The following CTNND2 variants were observed in gnomAD, a reference collection of about 807,000 sequenced individuals.
CTNND2 encodes catenin delta-2.
A neutral mutation model predicts 144.4 loss-of-function variants in CTNND2; 22 were observed. That is an observed-to-expected ratio of 0.15 (90% confidence interval 0.11 to 0.22). The LOEUF (loss-of-function observed/expected upper bound fraction) is 0.22. Among genes scored for constraint, CTNND2 ranks in the 10% least tolerant of loss-of-function variants. The probability of loss-of-function intolerance (pLI) is 1.00; values close to 1 mark genes in which losing one functional copy is unlikely to be tolerated. For missense variants in CTNND2, 1,353 were observed against 1,618.8 expected, an observed-to-expected ratio of 0.84 and a Z score of 2.82; for synonymous variants, 751 against 695.6, an observed-to-expected ratio of 1.08 and a Z score of -1.25.
At chr5:11,465,981 T>C (rs1021108596) in intron 3 of CTNND2, among the ~76,000 whole-genome samples, 9 of 152,164 alleles carry the variant, frequency 5.9e-5, no homozygotes, top group Admixed American at 4.6e-4. Flanking sequence ...ACGAACTTCA[T>C]GAAATTTTTA....
At chr5:11,120,536 AG>A (rs554009515) in intron 12 of CTNND2, among the ~76,000 whole-genome samples, 151 of 67,282 alleles carry the variant, frequency 2.2e-3, no homozygotes, top group Non-Finnish European at 2.9e-3. Flanking sequence ...AGACTTCAAG[AG>A]GGGGTTATCA....
At chr5:11,069,003 A>G (rs569554556) in intron 16 of CTNND2, among the ~76,000 whole-genome samples, 2 of 152,342 alleles carry the variant, frequency 1.3e-5, no homozygotes, top group African/African-American at 4.8e-5. Flanking sequence ...AAGAAGGAAG[A>G]CACTGTCCGT....
At chr5:11,632,335 T>C (rs1038191398) in intron 2 of CTNND2, among the ~76,000 whole-genome samples, 1 of 152,152 alleles carries the variant, frequency 6.6e-6, no homozygotes, top group African/African-American at 2.4e-5. Flanking sequence ...CCTGGGGTCC[T>C]GCGGTGAGGA....
intron 3 of CTNND2, among the ~76,000 whole-genome samples, chr5:11,433,060 T>C (rs1342274238): frequency 6.6e-6 from 1 of 152,136 alleles, no homozygotes; most frequent in East Asian, 1.9e-4. Flanking sequence ...CTGGCTAACA[T>C]GGTGAAACCT....
chr5:11,104,952 G>A (rs529612919), intron 14 of CTNND2, among the ~76,000 whole-genome samples: 3 of 152,346 alleles, frequency 2.0e-5, no homozygotes, highest in Non-Finnish European at 2.9e-5. Context: ...GGGGGGCCAC[G>A]GGGCCCGGTG....
chr5:11,599,847 T>A (rs1245809138), intron 2 of CTNND2, among the ~76,000 whole-genome samples: 2 of 152,174 alleles, frequency 1.3e-5, no homozygotes, highest in African/African-American at 2.4e-5. Flanking sequence ...TCTTATTGCA[T>A]GCCCAGGAAC....
rs150866169 is a variant in CTNND2, at chr5:11,289,149, G to C, written c.1629-52326C>G. Among the ~76,000 whole-genome samples, 63 of 152,294 alleles carry C rather than the reference G, an allele frequency of 4.1e-4. No homozygotes were observed. The East Asian group carries it at 0.012, about 28-fold the overall frequency. On this transcript the variant is annotated intron_variant, in intron 9 of 21. Coordinates refer to ENST00000304623, the MANE Select transcript of CTNND2 (RefSeq NM_001332.4). ...TTAGCACAGGTCTCATGAGATCCTC[G>C]TGCTGTTCTCTGTGTGCATGCCTCT...
At chr5:11,585,889 C>T (rs1778822937) in intron 2 of CTNND2, among the ~76,000 whole-genome samples, 1 of 151,992 alleles carries the variant, frequency 6.6e-6, no homozygotes, top group African/African-American at 2.4e-5. Context: ...GCAAAGTCAA[C>T]AGAAAATGCA....
chr5:11,189,858 G>A (rs1199223301), intron 11 of CTNND2, among the ~76,000 whole-genome samples: 3 of 152,176 alleles, frequency 2.0e-5, no homozygotes, highest in African/African-American at 4.8e-5. Context: ...ACTGAGGGTG[G>A]AGTATACAGA....
chr5:11,807,524 AGT>A (rs1204293679), intron 1 of CTNND2, among the ~76,000 whole-genome samples: 2 of 152,210 alleles, frequency 1.3e-5, no homozygotes, highest in African/African-American at 4.8e-5. Flanking sequence ...AATGTCATCG[AGT>A]TCAAAGGAAC....
At chr5:11,757,315 A>T (rs1369252296) in intron 1 of CTNND2, among the ~76,000 whole-genome samples, 2 of 151,658 alleles carry the variant, frequency 1.3e-5, no homozygotes, top group African/African-American at 4.8e-5. Flanking sequence ...TTAAATCTGT[A>T]CGCAGCTATC....
intron 1 of CTNND2, among the ~76,000 whole-genome samples, chr5:11,851,980 C>T (rs1162820998): frequency 6.6e-6 from 1 of 152,194 alleles, no homozygotes; most frequent in Admixed American, 6.5e-5. Context: ...CTCAAGTCAG[C>T]TACAAGCTTC....
At chr5:11,751,585 T>C (rs988731319) in intron 1 of CTNND2, among the ~76,000 whole-genome samples, 2 of 151,932 alleles carry the variant, frequency 1.3e-5, no homozygotes, top group African/African-American at 4.8e-5. Context: ...AATGGCTGCA[T>C]AGTATGCCAC....
chr5:11,017,837 C>G, intron 18 of CTNND2, 137 bp downstream of exon 18: 1 of 672,478 alleles, frequency 1.5e-6, no homozygotes, highest in African/African-American at 1.8e-5. Flanking sequence ...TGCCTCTTTT[C>G]TGGCTTCTTC....
At chr5:11,150,513 G>A (rs1426805482) in intron 12 of CTNND2, among the ~76,000 whole-genome samples, 1 of 152,062 alleles carries the variant, frequency 6.6e-6, no homozygotes, top group Non-Finnish European at 1.5e-5. Flanking sequence ...AGAGGATGTG[G>A]GGCCAGCAGA....
At chr5:10,982,338 G>A (rs1451596163) in intron 20 of CTNND2, among the ~76,000 whole-genome samples, 1 of 152,240 alleles carries the variant, frequency 6.6e-6, no homozygotes, top group East Asian at 1.9e-4. Flanking sequence ...GGCATCGCCT[G>A]CATGTCCCCC....
At chr5:11,264,886 G>A (rs1745282178) in intron 9 of CTNND2, among the ~76,000 whole-genome samples, 1 of 152,102 alleles carries the variant, frequency 6.6e-6, no homozygotes, top group Non-Finnish European at 1.5e-5. Context: ...AGCCAAGATT[G>A]TGCCACTGCA....
chr5:11,064,985 G>A (rs754072438), intron 16 of CTNND2, among the ~76,000 whole-genome samples: 3 of 152,222 alleles, frequency 2.0e-5, no homozygotes, highest in Non-Finnish European at 4.4e-5. Flanking sequence ...AGTTGGAGGG[G>A]TGGTTGTGGT....
At chr5:11,286,510 A>T (rs1325909262) in intron 9 of CTNND2, among the ~76,000 whole-genome samples, 1 of 152,266 alleles carries the variant, frequency 6.6e-6, no homozygotes, top group East Asian at 1.9e-4. Flanking sequence ...CCTGCACCCA[A>T]GTGCCTTAGT....
Sources: allele counts gnomAD v4.1 joint callset (sites outside exome capture counted in the v4.1 genomes callset), GRCh38; gene constraint gnomAD v4.1.1; transcripts MANE v1.5; gene names NCBI Gene and HGNC (gene_info 2026-07-23, HGNC 2026-07-21).